Variants in PHACTR1 observed in about 807,000 individuals in gnomAD.
PHACTR1 encodes RPEL repeat containing 1.
A neutral mutation model predicts 69.2 loss-of-function variants in PHACTR1; 16 were observed. The observed-to-expected ratio is 0.23, with a 90% CI of 0.16 to 0.35. PHACTR1 has a LOEUF of 0.35. Ranked by LOEUF, PHACTR1 falls within the 10% of genes least tolerant of loss-of-function variation. PHACTR1 has a pLI of 1.00. For missense variants in PHACTR1, 510 were observed against 734.7 expected (o/e 0.69, Z 3.54); for synonymous variants, 312 against 284.5 (o/e 1.10, Z -0.97).
chr6:12,850,243 T>C (rs1779696943), intron 4 of PHACTR1, among the ~76,000 whole-genome samples: 1 of 152,228 alleles, frequency 6.6e-6, no homozygotes, highest in African/African-American at 2.4e-5. Flanking sequence ...GCCACCAGAA[T>C]AACAATGGTT....
chr6:13,281,100 T>C (rs1780087984), intron 12 of PHACTR1: 1 of 1,289,506 alleles, frequency 7.8e-7, no homozygotes, highest in Admixed American at 2.3e-5. Context: ...TGTTCAGGCA[T>C]AAGAAACAGC....
chr6:13,135,210 C>G (rs1459523305), intron 5 of PHACTR1, among the ~76,000 whole-genome samples: 3 of 152,212 alleles, frequency 2.0e-5, no homozygotes, highest in Admixed American at 2.0e-4. Flanking sequence ...CAAGAAACCC[C>G]TGCCTGCCTC....
chr6:12,717,807 G>A (rs1761583486), intron 2 of PHACTR1, 64 bp downstream of exon 2: 1 of 152,100 alleles, frequency 6.6e-6, no homozygotes, highest in South Asian at 2.1e-4. Context: ...ACCGGACTTG[G>A]TTTCTTAAAT....
chr6:13,065,094 C>A (rs1232829373), intron 5 of PHACTR1, among the ~76,000 whole-genome samples: 1 of 152,060 alleles, frequency 6.6e-6, no homozygotes, highest in Non-Finnish European at 1.5e-5. Flanking sequence ...TGGGGCCATG[C>A]CAGCTTTCAT....
chr6:13,131,872 T>C (rs900372931), intron 5 of PHACTR1, among the ~76,000 whole-genome samples: 3 of 152,218 alleles, frequency 2.0e-5, no homozygotes, highest in African/African-American at 7.2e-5. Flanking sequence ...ATTTTATTAA[T>C]GTAGAAAGGG....
rs967744082 is a variant in PHACTR1, at chr6:12,962,366, A to G, written c.251-90999A>G. On this transcript the variant is annotated intron_variant, in intron 4 of 14. Coordinates refer to ENST00000332995, the MANE Select transcript of PHACTR1 (RefSeq NM_030948.6). ...GTCACATACTAGGGGTCAGGGCCTC[A>G]ACATATGAATTTAGGAGGGAGCACA... is the stretch of plus-strand genomic sequence containing the variant. 3.3e-5 allele frequency among the ~76,000 whole-genome samples: 5 copies of G among 152,194 alleles called. No homozygotes were observed. The East Asian group carries it at 5.8e-4, about 18-fold the overall frequency.
intron 5 of PHACTR1, among the ~76,000 whole-genome samples, chr6:13,064,705 C>T (rs1299036156): frequency 6.8e-6 from 1 of 147,192 alleles, no homozygotes; most frequent in African/African-American, 2.5e-5. Flanking sequence ...TGTCTCTGCA[C>T]AGATGAGGAG....
intron 10 of PHACTR1, among the ~76,000 whole-genome samples, chr6:13,261,262 C>T (rs1175506002): frequency 1.3e-5 from 2 of 151,974 alleles, no homozygotes; most frequent in Non-Finnish European, 2.9e-5. Flanking sequence ...CAGCTTTGTT[C>T]GTTTGTTGTT....
chr6:12,855,585 T>C (rs1005155625), intron 4 of PHACTR1, among the ~76,000 whole-genome samples: 2 of 152,020 alleles, frequency 1.3e-5, no homozygotes, highest in Non-Finnish European at 2.9e-5. Context: ...AAGTGGGAGC[T>C]AAATTTTGGG....
intron 5 of PHACTR1, among the ~76,000 whole-genome samples, chr6:13,107,392 G>A (rs1816341268): frequency 6.6e-6 from 1 of 152,208 alleles, no homozygotes; most frequent in African/African-American, 2.4e-5. Flanking sequence ...GATTATAGGT[G>A]TGAGCCACCA....
chr6:12,952,084 A>G (rs1475680594), intron 4 of PHACTR1, among the ~76,000 whole-genome samples: 3 of 152,176 alleles, frequency 2.0e-5, no homozygotes, highest in Non-Finnish European at 4.4e-5. Flanking sequence ...AAAAACAGGC[A>G]TGTGCTTTAG....
At chr6:13,088,323 C>CAA (rs56960328) in intron 5 of PHACTR1, among the ~76,000 whole-genome samples, 6 of 141,104 alleles carry the variant, frequency 4.3e-5, no homozygotes, top group African/African-American at 1.3e-4. Context: ...CTACCCCCCG[C>CAA]AAAAAAAAAA....
chr6:12,817,862 C>T lies in PHACTR1; in HGVS notation c.250+68072C>T, dbSNP rs1481245906. Among the ~76,000 whole-genome samples the T allele has an allele frequency of 2.0e-5, 3 of 147,758 alleles. No homozygotes were observed. In the Admixed American group the frequency reaches 2.0e-4, roughly 10 times the overall value. On this transcript the variant is annotated intron_variant, in intron 4 of 14. Transcript: ENST00000332995. ...TTTTTGAGATGGAGTCTTGCACTGT[C>T]GCCCAGCCTGGAGTGCAGTGGCACG...
intron 10 of PHACTR1, among the ~76,000 whole-genome samples, chr6:13,251,323 G>A (rs1202457712): frequency 6.6e-6 from 1 of 152,242 alleles, no homozygotes; most frequent in African/African-American, 2.4e-5. Context: ...ATGGAGGCAG[G>A]TGTTTATCTT....
chr6:12,797,379 T>C (rs1773159180), intron 4 of PHACTR1, among the ~76,000 whole-genome samples: 1 of 152,158 alleles, frequency 6.6e-6, no homozygotes, highest in Admixed American at 6.5e-5. Flanking sequence ...TGGTCATCAG[T>C]ACATTTGTCA....
Position 13,027,892 on chromosome 6 carries a change from G to A in PHACTR1, c.251-25473G>A, listed in dbSNP as rs560043484. Among the ~76,000 whole-genome samples the A allele has an allele frequency of 5.3e-5, 8 of 152,254 alleles. No individual in the cohort carries two copies. The South Asian group carries it at 1.5e-3, about 28-fold the overall frequency. The stretch of plus-strand genomic sequence containing the variant: ...GGGTTTCACCATGTTGGCCAGGCTG[G>A]TCTCGAACTCCTGACCTCAGGTGAT... On this transcript the variant is annotated intron_variant, in intron 4 of 14. Transcript: ENST00000332995.
chr6:12,981,185 C>T lies in PHACTR1; in HGVS notation c.251-72180C>T, dbSNP rs139545914. On this transcript the variant is annotated intron_variant, in intron 4 of 14. Transcript: ENST00000332995. Reference sequence around the variant, plus strand: ...TTCAATAGGTGAATGTGACTAGAATCGCCAAGAACTTCATAATTTTTTCAG... The same window carrying T: ...TTCAATAGGTGAATGTGACTAGAATTGCCAAGAACTTCATAATTTTTTCAG... 9.3e-3 allele frequency among the ~76,000 whole-genome samples: 1,420 copies of T among 152,240 alleles called. 16 individuals carry two copies. The highest frequency in any genetic ancestry group is 0.011 in the Non-Finnish European group (724 of 68,038).
At position 13,113,029 on chromosome 6, in the gene PHACTR1, C is replaced by T. The variant is rs7756554; in HGVS notation, c.416-47175C>T. Among the ~76,000 whole-genome samples, 910 of 152,094 alleles carry T rather than the reference C, an allele frequency of 6.0e-3. 4 individuals are homozygous for T. The highest frequency in any genetic ancestry group is 0.021 in the African/African-American group (865 of 41,496). ...TGGATTTTATGTTTAAGTCTTTAATCCATCTTGAGTTAATTTTTGTATGTG... is the reference window on the plus strand; with the variant it reads ...TGGATTTTATGTTTAAGTCTTTAATTCATCTTGAGTTAATTTTTGTATGTG... On this transcript the variant is annotated intron_variant, in intron 5 of 14. Coordinates refer to ENST00000332995, the MANE Select transcript of PHACTR1 (RefSeq NM_030948.6).
At chr6:13,250,537 G>C (rs2127395660) in intron 10 of PHACTR1, among the ~76,000 whole-genome samples, 1 of 152,332 alleles carries the variant, frequency 6.6e-6, no homozygotes, top group East Asian at 1.9e-4. Context: ...CTGCCGGCCA[G>C]ATAAGAAGGG....
Sources: allele counts gnomAD v4.1 joint callset (sites outside exome capture counted in the v4.1 genomes callset), GRCh38; gene constraint gnomAD v4.1.1; transcripts MANE v1.5; gene names NCBI Gene and HGNC (gene_info 2026-07-23, HGNC 2026-07-21).